The following CDH13 variants were observed in gnomAD, a reference collection of about 807,000 sequenced individuals.
CDH13 encodes the protein cadherin 13.
CDH13 carries 24 observed loss-of-function variants against 63.8 expected under a neutral mutation model. The observed-to-expected ratio is 0.38, with a 90% confidence interval of 0.27 to 0.53. The LOEUF (loss-of-function observed/expected upper bound fraction) is 0.53, where lower values mean the gene tolerates loss of function less well. Among genes scored for constraint, CDH13 ranks in the 20% least tolerant of loss-of-function variants. CDH13 has a pLI of 0.85. For missense variants in CDH13, 1,049 were observed against 903.1 expected, an observed-to-expected ratio of 1.16 and a Z score of -2.07; for synonymous variants, 503 against 355.3, an observed-to-expected ratio of 1.42 and a Z score of -4.67.
chr16:82,775,172 G>A (rs1340700335), intron 1 of CDH13, among the ~76,000 whole-genome samples: 1 of 152,150 alleles, frequency 6.6e-6, no homozygotes, highest in African/African-American at 2.4e-5. Flanking sequence ...TGTACCTACT[G>A]CATATAGTTG....
intron 7 of CDH13, among the ~76,000 whole-genome samples, chr16:83,524,910 C>G (rs1020424749): frequency 6.6e-6 from 1 of 152,120 alleles, no homozygotes; most frequent in Non-Finnish European, 1.5e-5. Flanking sequence ...GTTCCGTGGG[C>G]TGTAAATCCT....
chr16:83,283,794 T>A (rs972868596), intron 5 of CDH13, among the ~76,000 whole-genome samples: 6 of 152,200 alleles, frequency 3.9e-5, no homozygotes, highest in Non-Finnish European at 8.8e-5. Flanking sequence ...AGCATTTACA[T>A]CCTTTGGTCT....
chr16:83,009,923 C>T (rs970657486), intron 2 of CDH13, among the ~76,000 whole-genome samples: 4 of 151,906 alleles, frequency 2.6e-5, no homozygotes, highest in Admixed American at 6.6e-5. Flanking sequence ...CACCTGAGGT[C>T]GGGAGTTCTT....
chr16:83,750,978 A>AG (rs1913033615), intron 11 of CDH13, among the ~76,000 whole-genome samples: 1 of 10,890 alleles, frequency 9.2e-5, no homozygotes, highest in Non-Finnish European at 2.4e-4. Flanking sequence ...TAACTATTTA[A>AG]AAAAAAAAAA....
At chr16:83,427,467 C>T (rs1191267254) in intron 6 of CDH13, among the ~76,000 whole-genome samples, 6 of 152,122 alleles carry the variant, frequency 3.9e-5, no homozygotes, top group Admixed American at 3.9e-4. Flanking sequence ...TCTTCTGGAG[C>T]CTCCTGAAGG....
chr16:83,118,056 A>G (rs1172646911), intron 3 of CDH13, among the ~76,000 whole-genome samples: 1 of 152,210 alleles, frequency 6.6e-6, no homozygotes, highest in East Asian at 1.9e-4. Flanking sequence ...CCCTGAAGAC[A>G]CAACACTGCC....
At position 83,506,691 on chromosome 16, in the gene CDH13, A is replaced by C. The variant is rs529477984; in HGVS notation, c.960+20036A>C. On this transcript the variant is annotated intron_variant, in intron 7 of 13. Transcript: ENST00000567109. ...AGCCAAATAGGACATGGCAGAAATG[A>C]CTTTGTGTGAATTCTGAGCCTTGTT... 1.4e-3 allele frequency among the ~76,000 whole-genome samples: 211 copies of C among 152,332 alleles called. 5 individuals carry two copies. The South Asian group carries it at 0.041, about 29-fold the overall frequency.
At chr16:82,901,670 T>C (rs551448123) in intron 2 of CDH13, among the ~76,000 whole-genome samples, 1 of 152,270 alleles carries the variant, frequency 6.6e-6, no homozygotes, top group Non-Finnish European at 1.5e-5. Flanking sequence ...ATTAAATGGA[T>C]TAATAACTGA....
intron 10 of CDH13, among the ~76,000 whole-genome samples, chr16:83,708,612 C>T (rs1181977009): frequency 6.6e-6 from 1 of 152,192 alleles, no homozygotes; most frequent in Admixed American, 6.5e-5. Context: ...CAAAGCTGTC[C>T]ACATCCTAGT....
At chr16:83,125,269 A>G in intron 3 of CDH13, 116 bp from the exon 4 acceptor site, 2 of 649,582 alleles carry the variant, frequency 3.1e-6, no homozygotes, top group South Asian at 1.9e-5. Context: ...GATGGAATAC[A>G]GTGAACACTT....
At chr16:83,436,474 TAAAAAA>T (rs60903960) in intron 6 of CDH13, among the ~76,000 whole-genome samples, 3 of 148,406 alleles carry the variant, frequency 2.0e-5, no homozygotes, top group African/African-American at 7.4e-5. Context: ...TGAATCTAAT[TAAAAAA>T]AAAAAATTAT....
At chr16:83,085,244 C>T (rs1485725301) in intron 3 of CDH13, among the ~76,000 whole-genome samples, 2 of 151,994 alleles carry the variant, frequency 1.3e-5, no homozygotes. Context: ...AAAGCAGAAA[C>T]CCCTGATAAA....
intron 4 of CDH13, among the ~76,000 whole-genome samples, chr16:83,184,889 G>T (rs1022979926): frequency 1.5e-4 from 23 of 149,592 alleles, no homozygotes; most frequent in African/African-American, 4.3e-4. Flanking sequence ...AGCCGTGTGT[G>T]TGTGTGTGTG....
intron 7 of CDH13, among the ~76,000 whole-genome samples, chr16:83,535,356 T>C (rs1343459797): frequency 1.3e-5 from 2 of 152,238 alleles, no homozygotes; most frequent in African/African-American, 4.8e-5. Context: ...GATAAGTTGA[T>C]TGGCATTTTA....
chr16:83,228,325 C>T (rs1347754179), intron 5 of CDH13, among the ~76,000 whole-genome samples: 5 of 152,158 alleles, frequency 3.3e-5, no homozygotes, highest in African/African-American at 4.8e-5. Context: ...TCTGCAGGCT[C>T]CTTGCATGGC....
chr16:83,421,997 G>C (rs780072415), intron 6 of CDH13, among the ~76,000 whole-genome samples: 1 of 152,152 alleles, frequency 6.6e-6, no homozygotes, highest in African/African-American at 2.4e-5. Flanking sequence ...ATATGAACAA[G>C]TGTTTAGTTC....
At chr16:83,128,667 G>A (rs1047058952) in intron 4 of CDH13, among the ~76,000 whole-genome samples, 3 of 152,136 alleles carry the variant, frequency 2.0e-5, no homozygotes, top group South Asian at 2.1e-4. Context: ...AATTTCCTCC[G>A]GGGTATATTT....
intron 8 of CDH13, among the ~76,000 whole-genome samples, chr16:83,611,468 C>G (rs1272554885): frequency 1.3e-5 from 2 of 151,792 alleles, no homozygotes; most frequent in Non-Finnish European, 1.5e-5. Context: ...GTCATTCTAT[C>G]CACTTTATTA....
intron 2 of CDH13, among the ~76,000 whole-genome samples, chr16:82,966,841 T>C (rs1907912178): frequency 6.6e-6 from 1 of 152,198 alleles, no homozygotes; most frequent in Admixed American, 6.5e-5. Flanking sequence ...ATGTTTTTTC[T>C]CTCTCATAGA....
Sources: gnomAD v4.1 joint callset for allele counts (sites outside exome capture counted in the v4.1 genomes callset) on GRCh38, gnomAD v4.1.1 for gene constraint, MANE v1.5 for transcripts, NCBI Gene and HGNC (gene_info 2026-07-23, HGNC 2026-07-21) for gene names.